Variants in FBXL2 observed in about 807,000 individuals in gnomAD.
FBXL2 encodes F-box/LRR-repeat protein 2.
A neutral mutation model predicts 69.2 loss-of-function variants in FBXL2; 38 were observed. The observed-to-expected ratio is 0.55, with a 90% confidence interval of 0.42 to 0.72. The LOEUF (loss-of-function observed/expected upper bound fraction) is 0.72, where lower values mean the gene tolerates loss of function less well. FBXL2 is among the 30% of genes least tolerant of loss of function. The pLI is 0.00. For missense variants in FBXL2, 354 were observed against 520.3 expected (o/e 0.68, Z 3.11); for synonymous variants, 192 against 201.3 (o/e 0.95, Z 0.39).
At chr3:33,333,341 T>C (rs1169394569) in intron 2 of FBXL2, among the ~76,000 whole-genome samples, 4 of 152,172 alleles carry the variant, frequency 2.6e-5, no homozygotes. Flanking sequence ...AGTTGGATGA[T>C]GGGAAGAGGG....
chr3:33,404,160 C>A (rs2044349732), downstream of FBXL2, among the ~76,000 whole-genome samples: 1 of 152,106 alleles, frequency 6.6e-6, no homozygotes, highest in South Asian at 2.1e-4. Flanking sequence ...CGCCTGTAAT[C>A]CCAGCACTCT....
intron 10 of FBXL2, among the ~76,000 whole-genome samples, chr3:33,376,139 AG>A (rs1420600741): frequency 1.8e-5 from 1 of 56,882 alleles, no homozygotes; most frequent in Non-Finnish European, 2.9e-5. Flanking sequence ...CTAGGTGACA[AG>A]AGTGAGACCC....
chr3:33,349,148 A>G (rs1284339447), intron 2 of FBXL2, among the ~76,000 whole-genome samples: 2 of 152,152 alleles, frequency 1.3e-5, no homozygotes, highest in Admixed American at 6.6e-5. Flanking sequence ...TTCCAGTACT[A>G]TGTTGAATAA....
In FBXL2 at chr3:33,358,954, C is replaced by T. The variant is rs1273185690; in HGVS notation, c.66-13C>T. The T allele has an allele frequency of 1.3e-6, 2 of 1,496,202 alleles. No homozygotes were observed. Among genetic ancestry groups the T allele is most frequent in the Non-Finnish European group, 9.0e-7 (1 of 1,112,360 alleles). 92.7% of individuals were successfully genotyped at this position (1,496,202 alleles called of 1,614,324 possible). ...CACCATCTCGTTTTTGTGTTTTTTT[C>T]CTCTCTCTGTAGAATATTTTCCTTC... is the stretch of plus-strand genomic sequence containing the variant. On this transcript the variant is annotated splice_polypyrimidine_tract_variant and intron_variant, in intron 2 of 14. Transcript: ENST00000484457.
the FBXL2 span, among the ~76,000 whole-genome samples, chr3:33,410,848 G>GA: frequency 2.0e-5 from 3 of 152,198 alleles, no homozygotes; most frequent in Admixed American, 6.5e-5. Flanking sequence ...AAGGCAGGTA[G>GA]ATCACTTGAG....
chr3:33,409,369 T>A, the FBXL2 span: 1 of 1,614,040 alleles, frequency 6.2e-7, no homozygotes, highest in Admixed American at 1.7e-5. Context: ...GTATACTATT[T>A]CATCTATCAG....
At chr3:33,307,404 G>A (rs2036815949) in intron 2 of FBXL2, among the ~76,000 whole-genome samples, 1 of 152,076 alleles carries the variant, frequency 6.6e-6, no homozygotes, top group South Asian at 2.1e-4. Flanking sequence ...AGATTAATGG[G>A]TACTGAAGAG....
intron 12 of FBXL2, chr3:33,396,562 G>GT (rs1475837821): frequency 1.2e-5 from 5 of 427,404 alleles, no homozygotes; most frequent in Non-Finnish European, 2.1e-5. Context: ...TTAAAAATCA[G>GT]TAAGATTCAA....
chr3:33,381,849 A>G (rs2043087998), intron 13 of FBXL2, among the ~76,000 whole-genome samples: 1 of 152,246 alleles, frequency 6.6e-6, no homozygotes. Flanking sequence ...TATTTGATGT[A>G]AACCATGTAG....
chr3:33,412,645 T>C, the FBXL2 span: 2 of 970,624 alleles, frequency 2.1e-6, no homozygotes, highest in South Asian at 1.4e-5. Flanking sequence ...AAGTAATTCA[T>C]GATGCCAACA....
At chr3:33,348,785 T>A (rs758771135) in intron 2 of FBXL2, among the ~76,000 whole-genome samples, 36 of 152,288 alleles carry the variant, frequency 2.4e-4, no homozygotes, top group Non-Finnish European at 4.4e-4. Context: ...TTCTTTTTAA[T>A]TTATTTCATT....
At chr3:33,359,691 C>G (rs903704492) in intron 4 of FBXL2, among the ~76,000 whole-genome samples, 1 of 151,632 alleles carries the variant, frequency 6.6e-6, no homozygotes, top group South Asian at 2.1e-4. Context: ...GAAAATCCAC[C>G]GAGAATTCTA....
intron 13 of FBXL2, among the ~76,000 whole-genome samples, chr3:33,381,280 C>A (rs915010584): frequency 6.6e-6 from 1 of 152,172 alleles, no homozygotes; most frequent in Non-Finnish European, 1.5e-5. Context: ...CATTCATACA[C>A]CATCTCCATC....
intron 2 of FBXL2, among the ~76,000 whole-genome samples, chr3:33,309,675 ATCCT>A (rs1370523356): frequency 3.3e-5 from 5 of 152,054 alleles, no homozygotes; most frequent in South Asian, 2.1e-4. Context: ...TATTTCATAG[ATCCT>A]TCATTCTTCT....
chr3:33,340,191 C>T (rs1391722043), intron 2 of FBXL2, among the ~76,000 whole-genome samples: 2 of 151,872 alleles, frequency 1.3e-5, no homozygotes, highest in Admixed American at 6.6e-5. Context: ...TGTTCTATGT[C>T]GAGAGTGAGA....
intron 1 of FBXL2, among the ~76,000 whole-genome samples, chr3:33,287,827 G>A (rs956100641): frequency 3.9e-5 from 6 of 152,186 alleles, no homozygotes; most frequent in Non-Finnish European, 4.4e-5. Context: ...TGGCACAAAT[G>A]TACTAATTAC....
chr3:33,284,947 T>A (rs1318296752), intron 1 of FBXL2, among the ~76,000 whole-genome samples: 1 of 152,226 alleles, frequency 6.6e-6, no homozygotes, highest in African/African-American at 2.4e-5. Flanking sequence ...TCTCTGCATG[T>A]GATATGGGTC....
chr3:33,390,662 G>A (rs2043725396), downstream of FBXL2: 1 of 442,098 alleles, frequency 2.3e-6, no homozygotes, highest in East Asian at 4.0e-5. Context: ...CACAATAATA[G>A]TGCTGTCCAT....
chr3:33,334,746 T>TA (rs2039439309), intron 2 of FBXL2, among the ~76,000 whole-genome samples: 1 of 151,702 alleles, frequency 6.6e-6, no homozygotes, highest in South Asian at 2.1e-4. Context: ...AAACCAACGA[T>TA]AAAGAGAAAG....
Sources: allele counts gnomAD v4.1 joint callset (sites outside exome capture counted in the v4.1 genomes callset), GRCh38; gene constraint gnomAD v4.1.1; transcripts MANE v1.5; gene names NCBI Gene and HGNC (gene_info 2026-07-23, HGNC 2026-07-21).